The following MFN1 variants were observed in gnomAD, a reference collection of about 807,000 sequenced individuals.
MFN1 encodes the protein mitofusin 1.
MFN1 carries 65 observed loss-of-function variants against 92.4 expected under a neutral mutation model. The ratio of observed to expected loss-of-function variants is 0.70; its 90% CI spans 0.58 to 0.86. The LOEUF (loss-of-function observed/expected upper bound fraction) is 0.86. Among genes scored for constraint, MFN1 ranks in the 40% least tolerant of loss-of-function variants. The pLI is 0.00. For missense variants in MFN1, 781 were observed against 868.0 expected (o/e 0.90, Z 1.26); for synonymous variants, 297 against 300.9 (o/e 0.99, Z 0.13).
At position 179,357,341 on chromosome 3, in the gene MFN1, T is replaced by C. The variant is rs151246842; in HGVS notation, c.249-1499T>C. 6.5e-3 allele frequency among the ~76,000 whole-genome samples: 989 copies of C among 152,232 alleles called. 13 individuals carry two copies. The highest frequency in any genetic ancestry group is 0.023 in the African/African-American group (952 of 41,530). ...CGGCATGTAATTCTTGTTAACCCTA[T>C]GGGGATGGTTTCAGAACTACTCTTG... On this transcript the variant is annotated intron_variant, in intron 3 of 17. Transcript: ENST00000471841.
At chr3:179,351,054 TTCGGCC>T (rs1280357297) in intron 2 of MFN1, among the ~76,000 whole-genome samples, 1 of 152,128 alleles carries the variant, frequency 6.6e-6, no homozygotes, top group Non-Finnish European at 1.5e-5. Flanking sequence ...ATCTGCCCAC[TTCGGCC>T]TCCCAAAGTG....
intron 7 of MFN1, among the ~76,000 whole-genome samples, chr3:179,366,041 A>G (rs1016171269): frequency 1.3e-5 from 2 of 152,172 alleles, no homozygotes; most frequent in Non-Finnish European, 2.9e-5. Context: ...TGGAGGATGG[A>G]CAGTTTTGAC....
chr3:179,353,600 C>T (rs954859551), intron 3 of MFN1, among the ~76,000 whole-genome samples: 6 of 152,070 alleles, frequency 3.9e-5, no homozygotes, highest in African/African-American at 1.4e-4. Context: ...GGTACGTCTT[C>T]CAAAATTTTC....
intron 14 of MFN1, among the ~76,000 whole-genome samples, chr3:179,382,878 A>G (rs950151295): frequency 4.6e-5 from 7 of 152,228 alleles, no homozygotes; most frequent in African/African-American, 1.7e-4. Context: ...TTCTTTTGAG[A>G]AGTGTCTGTT....
At chr3:179,376,328 T>G (rs571837985) in intron 10 of MFN1, among the ~76,000 whole-genome samples, 339 of 152,332 alleles carry the variant, frequency 2.2e-3, no homozygotes, top group Non-Finnish European at 4.4e-3. Flanking sequence ...GTTGCTTTGA[T>G]GTAGTACCCA....
chr3:179,390,226 C>A, intron 17 of MFN1, 88 bp downstream of exon 17: 1 of 1,098,414 alleles, frequency 9.1e-7, no homozygotes, highest in South Asian at 2.4e-5. Context: ...GTATTCATTC[C>A]TAATAGCTTT....
chr3:179,377,373 TC>T lies in MFN1; in HGVS notation c.1255del (p.Arg419AspfsTer20). ...VSCAMTDEIC[R>X]LSVLVDEFCS... is the part of the protein sequence containing the mutation. ...CATGTGCAATGACAGATGAAATTTGTCGACTGTCTGTTTTGGTTGATGAATT... is the reference window on the plus strand; with the variant it reads ...CATGTGCAATGACAGATGAAATTTGTGACTGTCTGTTTTGGTTGATGAATT... On this transcript the variant is annotated frameshift_variant, in exon 12 of 18. Transcript: ENST00000471841. LOFTEE classifies it high-confidence loss of function. The T allele has an allele frequency of 6.2e-7, 1 of 1,609,600 alleles. No homozygotes were observed. Among genetic ancestry groups the T allele is most frequent in the East Asian group, 2.2e-5 (1 of 44,756 alleles).
intron 14 of MFN1, among the ~76,000 whole-genome samples, chr3:179,385,209 G>C (rs554123523): frequency 8.5e-6 from 1 of 118,316 alleles, no homozygotes; most frequent in East Asian, 2.4e-4. Context: ...CACCGCGCCC[G>C]GCCGAAGTCC....
At chr3:179,368,212 T>G in intron 9 of MFN1, 109 bp downstream of exon 9, 1 of 739,642 alleles carries the variant, frequency 1.4e-6, no homozygotes, top group Non-Finnish European at 1.9e-6. Flanking sequence ...TTGCTGTTAT[T>G]TAGTTTAGTT....
chr3:179,367,582 G>A lies in MFN1; in HGVS notation c.897G>A (p.Met299Ile). ...CTAGAAAGCAAAAAGCACAGGGGAT[G>A]CCAGAAAGTGGTATGCATTACCTAT... ...LSARKQKAQG[M>I]PESGVALAEG... The change falls in exon 8 of 18, where the codon ATG (methionine) becomes ATA (isoleucine). Residue 299 changes from methionine (M) to isoleucine (I), a missense_variant. By Grantham distance (10) the Met-to-Ile change is conservative (BLOSUM62 1). Coordinates refer to ENST00000471841, the MANE Select transcript of MFN1 (RefSeq NM_033540.3). 1 of 1,608,910 alleles carries A rather than the reference G, an allele frequency of 6.2e-7. No homozygotes were observed. Among genetic ancestry groups the A allele is most frequent in the Non-Finnish European group, 8.5e-7 (1 of 1,178,442 alleles).
intron 10 of MFN1, 97 bp from the exon 11 acceptor site, chr3:179,376,945 T>C: frequency 1.7e-6 from 2 of 1,177,020 alleles, no homozygotes; most frequent in Non-Finnish European, 2.3e-6. Context: ...CCTTGAGTCA[T>C]GCTAATAGAT....
At chr3:179,360,429 C>G (rs1289839308) in intron 4 of MFN1, among the ~76,000 whole-genome samples, 2 of 151,808 alleles carry the variant, frequency 1.3e-5, no homozygotes, top group African/African-American at 4.8e-5. Flanking sequence ...TAGAAACTGT[C>G]TTACCTCAGG....
At position 179,362,513 on chromosome 3, in the gene MFN1, G is replaced by T. The variant is rs747994987; in HGVS notation, c.536+31G>T. The T allele has an allele frequency of 4.4e-6, 7 of 1,602,852 alleles. No homozygotes were observed. The Admixed American group carries it at 1.2e-4, about 28-fold the overall frequency. On this transcript the variant is annotated intron_variant, in intron 5 of 17. Transcript: ENST00000471841. ...ATTACATGTGGATTGCATTTTCTCT[G>T]GAAGTTTATTTAATAGTATAATACT...
At chr3:179,379,892 C>CTAAAAATGA (rs1396935181) in intron 14 of MFN1, among the ~76,000 whole-genome samples, 1 of 151,780 alleles carries the variant, frequency 6.6e-6, no homozygotes, top group Non-Finnish European at 1.5e-5. Flanking sequence ...AAGTTCCATG[C>CTAAAAATGA]TAAAAATGAT....
chr3:179,368,186 T>A, intron 9 of MFN1, 83 bp downstream of exon 9: 1 of 1,067,398 alleles, frequency 9.4e-7, no homozygotes, highest in Non-Finnish European at 1.2e-6. Flanking sequence ...TTATCCTTTG[T>A]CTTTGTCAAT....
chr3:179,352,123 C>T (rs1712173636), intron 3 of MFN1, 88 bp downstream of exon 3: 12 of 1,360,830 alleles, frequency 8.8e-6, no homozygotes, highest in Non-Finnish European at 1.2e-5. Flanking sequence ...TCCCATCCTC[C>T]CCCAGCCCCG....
chr3:179,367,229 T>C (rs1349242861), intron 7 of MFN1, among the ~76,000 whole-genome samples: 1 of 152,242 alleles, frequency 6.6e-6, no homozygotes, highest in Non-Finnish European at 1.5e-5. Context: ...CCCAGCAGAA[T>C]TTTAAATAGA....
At position 179,368,075 on chromosome 3, in the gene MFN1, A is replaced by T; in HGVS notation, c.947A>T (p.Glu316Val). The T allele has an allele frequency of 6.4e-7, 1 of 1,574,326 alleles. No homozygotes were observed. The highest frequency in any genetic ancestry group is 8.6e-7 in the Non-Finnish European group (1 of 1,158,288). The change falls in exon 9 of 18, where the codon GAA becomes GTA. Residue 316 changes from glutamate (E) to valine (V), a missense_variant. Transcript: ENST00000471841. ...GAAGGATTTCATGCAAGATTACAGG[A>T]ATTTCAGAATTTTGAACAAATCTTT... ...LAEGFHARLQ[E>V]FQNFEQIFEE...
At chr3:179,373,310 A>G (rs534278174) in intron 9 of MFN1, among the ~76,000 whole-genome samples, 1 of 152,340 alleles carries the variant, frequency 6.6e-6, no homozygotes, top group South Asian at 2.1e-4. Context: ...TAGGTCGTAA[A>G]TAGGACATTG....
Sources: gnomAD v4.1 joint callset for allele counts (sites outside exome capture counted in the v4.1 genomes callset) on GRCh38, gnomAD v4.1.1 for gene constraint, MANE v1.5 for transcripts, NCBI Gene and HGNC (gene_info 2026-07-23, HGNC 2026-07-21) for gene names.